Variants in GPC5 observed in about 807,000 individuals in gnomAD.
GPC5 encodes the protein glypican 5, also known as glypican-5.
Under a neutral mutation model 53.9 loss-of-function variants are expected in GPC5, and 47 were observed. The observed-to-expected ratio is 0.87, with a 90% CI of 0.69 to 1.11. The LOEUF (loss-of-function observed/expected upper bound fraction) is 1.11. Among genes scored for constraint, GPC5 ranks in the 50% most tolerant of loss-of-function variants. GPC5 has a pLI of 0.00. For missense variants in GPC5, 748 were observed against 713.1 expected (o/e 1.05, Z -0.56); for synonymous variants, 286 against 263.3 (o/e 1.09, Z -0.84).
intron 7 of GPC5, among the ~76,000 whole-genome samples, chr13:92,331,201 T>TC (rs1465816224): frequency 2.0e-5 from 3 of 152,266 alleles, no homozygotes; most frequent in South Asian, 4.1e-4. Context: ...TCTGTTTTTT[T>TC]CCCCTCAATC....
At chr13:92,120,158 C>T (rs1222084709) in intron 6 of GPC5, among the ~76,000 whole-genome samples, 1 of 152,314 alleles carries the variant, frequency 6.6e-6, no homozygotes, top group Non-Finnish European at 1.5e-5. Flanking sequence ...CGCTAATTTA[C>T]AGACTGTAAG....
At chr13:91,574,758 G>T (rs1385294541) in intron 2 of GPC5, among the ~76,000 whole-genome samples, 1 of 152,070 alleles carries the variant, frequency 6.6e-6, no homozygotes, top group Non-Finnish European at 1.5e-5. Flanking sequence ...ACCTATACAT[G>T]AAGATTAAGT....
In GPC5 at chr13:91,788,862, G is replaced by C. The variant is rs147217117; in HGVS notation, c.1280+32442G>C. Reference sequence around the variant, plus strand: ...AAGGAAACTTTGTGTTACATGATGTGTTGTTAATTTTTAGATATTAATGGC... The same window carrying C: ...AAGGAAACTTTGTGTTACATGATGTCTTGTTAATTTTTAGATATTAATGGC... On this transcript the variant is annotated intron_variant, in intron 5 of 7. Transcript: ENST00000377067. 3.5e-4 allele frequency among the ~76,000 whole-genome samples: 53 copies of C among 152,284 alleles called. No homozygotes were observed. In the East Asian group the frequency reaches 9.3e-3, roughly 27 times the overall value.
intron 7 of GPC5, among the ~76,000 whole-genome samples, chr13:92,722,812 T>G (rs976505784): frequency 4.6e-5 from 7 of 151,810 alleles, no homozygotes; most frequent in Non-Finnish European, 1.0e-4. Context: ...TCTTTTGTAT[T>G]TTTATATACA....
At chr13:91,736,834 G>T (rs1233310050) in intron 4 of GPC5, among the ~76,000 whole-genome samples, 2 of 151,276 alleles carry the variant, frequency 1.3e-5, no homozygotes, top group Non-Finnish European at 2.9e-5. Flanking sequence ...AATGGAATGA[G>T]AACTCCCACT....
At chr13:92,566,440 A>T (rs1194613891) in intron 7 of GPC5, among the ~76,000 whole-genome samples, 1 of 152,164 alleles carries the variant, frequency 6.6e-6, no homozygotes, top group Non-Finnish European at 1.5e-5. Flanking sequence ...AAGAATATGG[A>T]AAATAAGCTG....
chr13:92,356,075 CAG>C (rs2043519368), intron 7 of GPC5, among the ~76,000 whole-genome samples: 1 of 152,110 alleles, frequency 6.6e-6, no homozygotes, highest in African/African-American at 2.4e-5. Flanking sequence ...CTTTCTCTCA[CAG>C]GGGATAACTT....
chr13:92,753,170 G>A (rs1301405330), intron 7 of GPC5, among the ~76,000 whole-genome samples: 1 of 152,124 alleles, frequency 6.6e-6, no homozygotes, highest in African/African-American at 2.4e-5. Context: ...CCTAAAGTGG[G>A]TCCCTGACCC....
At chr13:92,126,108 C>A (rs777347747) in intron 6 of GPC5, among the ~76,000 whole-genome samples, 2 of 151,594 alleles carry the variant, frequency 1.3e-5, no homozygotes, top group Non-Finnish European at 2.9e-5. Flanking sequence ...GCACGTGCCA[C>A]CACACCCAGC....
intron 6 of GPC5, among the ~76,000 whole-genome samples, chr13:91,937,658 G>T (rs550298253): frequency 2.0e-4 from 31 of 152,152 alleles, no homozygotes; most frequent in South Asian, 6.2e-4. Context: ...GAGAGAAAAT[G>T]GATTTCCAAG....
rs541196629 is a variant in GPC5 at position 92,700,112 on chromosome 13, T to C, written c.1562-166170T>C. Among the ~76,000 whole-genome samples the C allele has an allele frequency of 2.0e-5, 3 of 152,194 alleles. No homozygotes were observed. The South Asian group carries it at 6.2e-4, about 31-fold the overall frequency. ...ACTTGCTTTATGAATCTGGGTGCTC[T>C]TGTATTGGGTGCATATATTTTGGAT... is the stretch of plus-strand genomic sequence containing the variant. On this transcript the variant is annotated intron_variant, in intron 7 of 7. Transcript: ENST00000377067.
chr13:91,978,141 G>A (rs2040324219), intron 6 of GPC5, among the ~76,000 whole-genome samples: 1 of 152,100 alleles, frequency 6.6e-6, no homozygotes, highest in Admixed American at 6.5e-5. Context: ...TCTCATGAAG[G>A]CTCTCATATC....
intron 6 of GPC5, among the ~76,000 whole-genome samples, chr13:92,031,744 AATATATATTATATTACATATT>A (rs2040846458): frequency 2.4e-5 from 2 of 82,568 alleles, no homozygotes; most frequent in Non-Finnish European, 4.2e-5. Context: ...TATTATATAT[AATATATATTATATTACATATT>A]ATATATAATA....
intron 7 of GPC5, among the ~76,000 whole-genome samples, chr13:92,781,324 T>A (rs1876016899): frequency 1.3e-5 from 2 of 152,162 alleles, no homozygotes; most frequent in South Asian, 4.1e-4. Flanking sequence ...GTTTACTCTG[T>A]GTGATATTTC....
At chr13:92,525,479 T>TGTGTGTGTGA (rs777799898) in intron 7 of GPC5, among the ~76,000 whole-genome samples, 17 of 144,744 alleles carry the variant, frequency 1.2e-4, no homozygotes, top group African/African-American at 3.4e-4. Flanking sequence ...TGTGTGTGTG[T>TGTGTGTGTGA]GAAACAACCA....
intron 2 of GPC5, among the ~76,000 whole-genome samples, chr13:91,453,659 C>T (rs74106764): frequency 0.014 from 2,141 of 152,112 alleles, 61 homozygotes; most frequent in African/African-American, 0.05. Flanking sequence ...CTATGTGTAG[C>T]ACTGAGAGCA....
chr13:91,617,425 G>A lies in GPC5; in HGVS notation c.326-75762G>A, dbSNP rs536391468. Among the ~76,000 whole-genome samples the A allele has an allele frequency of 1.8e-4, 27 of 152,246 alleles. 1 individual carries two copies. In the South Asian group the frequency reaches 4.6e-3, roughly 26 times the overall value. On this transcript the variant is annotated intron_variant, in intron 2 of 7. Coordinates refer to ENST00000377067, the MANE Select transcript of GPC5 (RefSeq NM_004466.6). Reference sequence around the variant, plus strand: ...AGGGAGAAAAACACTGCCTGAACAGGCATAGCATGATATGGTTAAGCAACG... The same window carrying A: ...AGGGAGAAAAACACTGCCTGAACAGACATAGCATGATATGGTTAAGCAACG...
At chr13:91,756,109 G>T (rs998723405) in intron 4 of GPC5, among the ~76,000 whole-genome samples, 186 bp from the exon 5 acceptor site, 1 of 149,072 alleles carries the variant, frequency 6.7e-6, no homozygotes, top group South Asian at 2.1e-4. Context: ...TTTCATCTTG[G>T]TGGTTAGAAA....
chr13:92,068,672 T>C (rs566508085), intron 6 of GPC5, among the ~76,000 whole-genome samples: 1 of 151,700 alleles, frequency 6.6e-6, no homozygotes, highest in South Asian at 2.1e-4. Flanking sequence ...TATTAAAAAA[T>C]ATTTTCTGTA....
Sources: gnomAD v4.1 joint callset for allele counts (sites outside exome capture counted in the v4.1 genomes callset) on GRCh38, gnomAD v4.1.1 for gene constraint, MANE v1.5 for transcripts, NCBI Gene and HGNC (gene_info 2026-07-23, HGNC 2026-07-21) for gene names.